Variants in FLYWCH1 observed in about 807,000 individuals in gnomAD.
FLYWCH1 encodes the protein FLYWCH-type zinc finger-containing protein 1.
Under a neutral mutation model 66.4 loss-of-function variants are expected in FLYWCH1, and 75 were observed. The ratio of observed to expected loss-of-function variants is 1.13; its 90% CI spans 0.94 to 1.37. The LOEUF is 1.37. Ranked by LOEUF, FLYWCH1 falls within the 40% of genes most tolerant of loss-of-function variation. The pLI, the probability that FLYWCH1 is intolerant of heterozygous loss-of-function variation, is 0.00. For synonymous variants in FLYWCH1, 595 were observed against 429.9 expected, an observed-to-expected ratio of 1.38 and a Z score of -4.75; for missense variants, 1,334 against 1,001.8, an observed-to-expected ratio of 1.33 and a Z score of -4.48.
Position 2,927,541 on chromosome 16 carries a change from C to G in FLYWCH1, c.-73-2072C>G, listed in dbSNP as rs374095656. Among the ~76,000 whole-genome samples the G allele has an allele frequency of 9.2e-5, 14 of 152,258 alleles. No individual in the cohort carries two copies. The East Asian group carries it at 1.3e-3, about 15-fold the overall frequency. On this transcript the variant is annotated intron_variant, in intron 2 of 9. Coordinates refer to ENST00000253928, the MANE Select transcript of FLYWCH1 (RefSeq NM_001308068.2). ...AAGGCTTGTAATGGGATTGGAGGAG[C>G]CATGCATAAAGCTATCCTAATGGCT... is the stretch of plus-strand genomic sequence containing the variant.
At chr16:2,940,279 G>GTGAGGCTGGA in intron 9 of FLYWCH1, 187 bp downstream of exon 9, 1 of 535,166 alleles carries the variant, frequency 1.9e-6, no homozygotes, top group Non-Finnish European at 3.3e-6. Context: ...GAAGGCCCAA[G>GTGAGGCTGGA]TGAGGCTGGA....
At chr16:2,936,472 C>T (rs1479253678) in intron 6 of FLYWCH1, 2 of 445,448 alleles carry the variant, frequency 4.5e-6, no homozygotes, top group Non-Finnish European at 9.1e-6. Context: ...GGCCTCTCCT[C>T]TAGGGCTTGC....
intron 7 of FLYWCH1, 131 bp downstream of exon 7, chr16:2,937,515 C>T (rs1048985107): frequency 8.9e-7 from 1 of 1,128,892 alleles, no homozygotes; most frequent in Non-Finnish European, 1.2e-6. Context: ...CATAAACTCC[C>T]CAGGGGCAGG....
At chr16:2,919,218 T>C (rs67917512) in intron 2 of FLYWCH1, among the ~76,000 whole-genome samples, 43,116 of 151,168 alleles carry the variant, frequency 0.29, 6,255 homozygotes, top group African/African-American at 0.31. Flanking sequence ...CACACCCAGC[T>C]GCTCTCTGAT....
chr16:2,933,261 C>T lies in FLYWCH1; in HGVS notation c.928C>T (p.His310Tyr). 1 of 1,612,950 alleles carries T rather than the reference C, an allele frequency of 6.2e-7. No homozygotes were observed. The change falls in exon 5 of 10, where the codon CAC becomes TAC. Residue 310 changes from histidine to tyrosine, a missense_variant. Physicochemically the swap from His to Tyr is moderately conservative, Grantham distance 83 (BLOSUM62 2). Transcript: ENST00000253928. ...VYWTCRDHAL[H>Y]GCRSRAITQG... ...TTGGACCTGCCGGGACCACGCGCTG[C>T]ACGGCTGCCGGAGCCGGGCCATCAC...
chr16:2,949,099 C>T lies in FLYWCH1; in HGVS notation c.*372C>T, dbSNP rs926383358. 7.3e-5 allele frequency: 24 copies of T among 327,162 alleles called. No individual in the cohort carries two copies. Among genetic ancestry groups the T allele is most frequent in the Admixed American group, 6.2e-4 (14 of 22,640 alleles). The allele number at this position is 327,162 out of a possible 1,614,324, so 20.3% of individuals were successfully genotyped here. The stretch of plus-strand genomic sequence containing the variant: ...TAGGGCTTTCCACCTGGCGAGGCCC[C>T]GCTCTGCTCAGCACGGTGCAAAGTG... On this transcript the variant is annotated 3_prime_UTR_variant, in exon 10 of 10. Coordinates refer to ENST00000253928, the MANE Select transcript of FLYWCH1 (RefSeq NM_001308068.2).
intron 2 of FLYWCH1, among the ~76,000 whole-genome samples, chr16:2,915,000 A>G (rs73482940): frequency 0.045 from 6,775 of 150,844 alleles, 504 homozygotes; most frequent in African/African-American, 0.15. Flanking sequence ...CTGTAAAACA[A>G]TGGGTATCTA....
Position 2,940,102 on chromosome 16 carries a change from T to C in FLYWCH1, c.2111+10T>C. 8.4e-7 allele frequency: 1 copy of C among 1,185,028 alleles called. No individual in the cohort carries two copies. Among genetic ancestry groups the C allele is most frequent in the Non-Finnish European group, 1.3e-6 (1 of 790,228 alleles). The allele number at this position is 1,185,028 out of a possible 1,614,324, so 73.4% of individuals were successfully genotyped here. A position where few individuals can be genotyped will look rare whatever the true frequency, so the allele number is the denominator to read the frequency against. ...GCCAGCAGATTTATGGGTAATTGTATTTGTTATCTAATGGTGCATGACCAA... is the reference window on the plus strand; with the variant it reads ...GCCAGCAGATTTATGGGTAATTGTACTTGTTATCTAATGGTGCATGACCAA... On this transcript the variant is annotated intron_variant, in intron 9 of 9. Coordinates refer to ENST00000253928, the MANE Select transcript of FLYWCH1 (RefSeq NM_001308068.2).
chr16:2,939,537 C>CTTGAAAGAAGA (rs758092943), intron 8 of FLYWCH1, among the ~76,000 whole-genome samples: 1 of 78,060 alleles, frequency 1.3e-5, no homozygotes, highest in South Asian at 3.2e-4. Context: ...ATGGTGAAAC[C>CTTGAAAGAAGA]CTGTCTCTAA....
Position 2,937,115 on chromosome 16 carries a change from C to T in FLYWCH1, c.1514-6C>T, listed in dbSNP as rs761857834. On this transcript the variant is annotated splice_region_variant and splice_polypyrimidine_tract_variant and intron_variant, in intron 6 of 9. Transcript: ENST00000253928. ...CCGCTGCTCCTCCCCTCCCATTTCTCAACAGGAGGCCCCGAGTTCCTGAAG... is the reference window on the plus strand; with the variant it reads ...CCGCTGCTCCTCCCCTCCCATTTCTTAACAGGAGGCCCCGAGTTCCTGAAG... 3 of 1,596,276 alleles carry T rather than the reference C, an allele frequency of 1.9e-6. No homozygotes were observed. In the South Asian group the frequency reaches 3.4e-5, roughly 18 times the overall value.
chr16:2,917,903 T>C (rs2070228754), intron 2 of FLYWCH1, among the ~76,000 whole-genome samples: 1 of 148,456 alleles, frequency 6.7e-6, no homozygotes, highest in African/African-American at 2.5e-5. Context: ...GGCACGATCT[T>C]GGCTCACTGT....
chr16:2,924,330 CAA>C (rs1181695820), intron 2 of FLYWCH1, among the ~76,000 whole-genome samples: 19 of 116,630 alleles, frequency 1.6e-4, no homozygotes, highest in Non-Finnish European at 1.4e-4. Flanking sequence ...GACTCCATCT[CAA>C]AAAAAAAAAA....
intron 6 of FLYWCH1, 195 bp from the exon 7 acceptor site, chr16:2,936,905 GGCCTCACCTGACCAGTCCCCA>G: frequency 1.5e-6 from 1 of 675,840 alleles, no homozygotes; most frequent in Non-Finnish European, 2.6e-6. Context: ...CACCTGCAGG[GGCCTCACCTGACCAGTCCCCA>G]GCCTCAGGAG....
At chr16:2,943,056 C>T (rs1245860094) in intron 9 of FLYWCH1, among the ~76,000 whole-genome samples, 5 of 152,112 alleles carry the variant, frequency 3.3e-5, no homozygotes, top group Non-Finnish European at 1.5e-5. Flanking sequence ...ATACTATCCC[C>T]AAATAACAAC....
intron 2 of FLYWCH1, among the ~76,000 whole-genome samples, chr16:2,921,515 G>C (rs59972094): frequency 2.0e-5 from 3 of 151,906 alleles, no homozygotes; most frequent in African/African-American, 7.3e-5. Context: ...TGGAAATATA[G>C]CAAGACCCTG....
rs1299089321 is a variant in FLYWCH1, at chr16:2,937,145, C to A, written c.1538C>A (p.Pro513His). Residue 513 changes from proline to histidine, a missense_variant, in exon 7 of 10, where the codon CCC becomes CAC. By Grantham distance (77) the Pro-to-His change is moderately conservative. Transcript: ENST00000253928. ...GGAGGCCCCGAGTTCCTGAAGACGC[C>A]CCTGGGGGGCAGCTTCCTGGTGTAC... ...SPGGPEFLKT[P>H]LGGSFLVYES... 2 of 1,608,848 alleles carry A rather than the reference C, an allele frequency of 1.2e-6. No individual in the cohort carries two copies. Among genetic ancestry groups the A allele is most frequent in the South Asian group, 2.2e-5 (2 of 90,420 alleles).
intron 9 of FLYWCH1, among the ~76,000 whole-genome samples, chr16:2,944,870 C>A (rs115910033): frequency 8.4e-4 from 127 of 152,008 alleles, no homozygotes; most frequent in African/African-American, 3.0e-3. Flanking sequence ...TCAGGCAGGT[C>A]CTTCAAGACT....
chr16:2,936,453 C>G (rs1325077419), intron 6 of FLYWCH1: 1 of 446,942 alleles, frequency 2.2e-6, no homozygotes, highest in South Asian at 1.6e-5. Context: ...CACCCTCCCG[C>G]CCCCCGCTGG....
intron 8 of FLYWCH1, chr16:2,939,829 A>T (rs2071185774): frequency 2.1e-6 from 1 of 480,200 alleles, no homozygotes; most frequent in Non-Finnish European, 3.7e-6. Flanking sequence ...CCATGACAGC[A>T]GCTGAAGGTC....
Sources: gnomAD v4.1 joint callset for allele counts (sites outside exome capture counted in the v4.1 genomes callset) on GRCh38, gnomAD v4.1.1 for gene constraint, MANE v1.5 for transcripts, NCBI Gene and HGNC (gene_info 2026-07-23, HGNC 2026-07-21) for gene names.